FAM228A: variants seen among roughly 807,000 people sequenced by gnomAD.
The protein encoded by FAM228A is family with sequence similarity 228 member A.
In FAM228A, 13 loss-of-function variants were observed where a neutral mutation model predicts 18.6. That is an observed-to-expected ratio of 0.70 (90% CI 0.45 to 1.11). The LOEUF (loss-of-function observed/expected upper bound fraction) is 1.11. FAM228A is among the 50% of genes least tolerant of loss of function. The pLI is 0.00. For synonymous variants in FAM228A, 77 were observed against 86.6 expected (o/e 0.89, Z 0.61); for missense variants, 240 against 242.2 (o/e 0.99, Z 0.06).
At chr2:24,179,159 A>G in intron 3 of FAM228A, 1 of 1,174,722 alleles carries the variant, frequency 8.5e-7, no homozygotes, top group Non-Finnish European at 1.1e-6. Flanking sequence ...GGAAAGAAGA[A>G]AAGAGATGTT....
intron 3 of FAM228A, 71 bp from the exon 4 acceptor site, chr2:24,183,214 A>G (rs1667856711): frequency 1.8e-6 from 2 of 1,111,258 alleles, no homozygotes; most frequent in African/African-American, 1.5e-5. Flanking sequence ...TCCCATCTTT[A>G]TGTGGGACAC....
chr2:24,178,004 T>C, intron 3 of FAM228A, 134 bp downstream of exon 3: 1 of 577,820 alleles, frequency 1.7e-6, no homozygotes, highest in Non-Finnish European at 3.0e-6. Context: ...TCCTCTAATT[T>C]ACTTGTTTGT....
chr2:24,175,325 G>A, intron 1 of FAM228A, 142 bp from the exon 2 acceptor site: 1 of 667,146 alleles, frequency 1.5e-6, no homozygotes. Flanking sequence ...CGCCTAGGGC[G>A]CCAAGGATCC....
chr2:24,183,763 T>C, intron 5 of FAM228A, 118 bp downstream of exon 5: 3 of 807,098 alleles, frequency 3.7e-6, no homozygotes, highest in Non-Finnish European at 5.8e-6. Flanking sequence ...TTTATTATTA[T>C]TATCATCACC....
chr2:24,185,473 C>T (rs1484406175), intron 5 of FAM228A, among the ~76,000 whole-genome samples: 3 of 152,110 alleles, frequency 2.0e-5, no homozygotes. Context: ...AAAGTAATGG[C>T]AAAAACCACA....
At chr2:24,189,300 G>A (rs1668028258) in intron 5 of FAM228A, among the ~76,000 whole-genome samples, 1 of 152,134 alleles carries the variant, frequency 6.6e-6, no homozygotes. Context: ...ACCCTTTCCG[G>A]CCTCATCACA....
rs569601835 is a variant in FAM228A at position 24,186,919 on chromosome 2, G to A, written c.401+3274G>A. On this transcript the variant is annotated intron_variant, in intron 5 of 5. Coordinates refer to ENST00000295150, the MANE Select transcript of FAM228A (RefSeq NM_001040710.3). ...CCAGAGTACTGGGGGATTTACAGAT[G>A]TGAGCCTCTGTGCCCCGCCTGTGGA... 9.5e-4 allele frequency among the ~76,000 whole-genome samples: 145 copies of A among 152,278 alleles called. 1 individual carries two copies. The highest frequency in any genetic ancestry group is 3.4e-3 in the African/African-American group (142 of 41,544).
At chr2:24,179,272 AT>A in intron 3 of FAM228A, 1 of 667,848 alleles carries the variant, frequency 1.5e-6, no homozygotes, top group Non-Finnish European at 2.0e-6. Flanking sequence ...AATGTTGAAT[AT>A]TATTTACAGC....
intron 1 of FAM228A, 128 bp downstream of exon 1, chr2:24,175,302 G>T: frequency 1.6e-6 from 1 of 613,848 alleles, no homozygotes; most frequent in Non-Finnish European, 2.9e-6. Flanking sequence ...GTGGGTAGCC[G>T]GGCCTGTTGA....
At chr2:24,179,555 G>A (rs1367063682) in intron 3 of FAM228A, among the ~76,000 whole-genome samples, 1 of 152,208 alleles carries the variant, frequency 6.6e-6, no homozygotes, top group Non-Finnish European at 1.5e-5. Flanking sequence ...TACTTCACAA[G>A]AAATTAAGAG....
chr2:24,186,122 C>T (rs1667943667), intron 5 of FAM228A, among the ~76,000 whole-genome samples: 1 of 151,946 alleles, frequency 6.6e-6, no homozygotes, highest in Admixed American at 6.6e-5. Flanking sequence ...GCCTCAACCT[C>T]CTGAGTAGCT....
At chr2:24,177,613 A>G (rs1331067972) in intron 2 of FAM228A, among the ~76,000 whole-genome samples, 189 bp from the exon 3 acceptor site, 1 of 152,068 alleles carries the variant, frequency 6.6e-6, no homozygotes, top group East Asian at 1.9e-4. Flanking sequence ...AATAAGATTG[A>G]CTTGGAATTA....
rs1573800413 is a variant in FAM228A, at chr2:24,177,350, G to A, written c.94-452G>A. The stretch of plus-strand genomic sequence containing the variant: ...AGCTACTTGGGAGGCTGAGGCAGGA[G>A]AATCACTTGAACCTGGAGGGCGGAG... On this transcript the variant is annotated intron_variant, in intron 2 of 5. Transcript: ENST00000295150. Among the ~76,000 whole-genome samples, 6 of 152,308 alleles carry A rather than the reference G, an allele frequency of 3.9e-5. 1 individual carries two copies. In the South Asian group the frequency reaches 1.2e-3, roughly 32 times the overall value.
chr2:24,187,321 C>T (rs1011748413), intron 5 of FAM228A, among the ~76,000 whole-genome samples: 4 of 152,186 alleles, frequency 2.6e-5, no homozygotes, highest in Admixed American at 1.3e-4. Context: ...TCACAGCAGA[C>T]GTGAGTGGAA....
intron 3 of FAM228A, among the ~76,000 whole-genome samples, chr2:24,178,565 C>A (rs1667746125): frequency 6.6e-6 from 1 of 152,108 alleles, no homozygotes; most frequent in African/African-American, 2.4e-5. Context: ...CAGAGTGAGA[C>A]CCTGTCTTTT....
intron 5 of FAM228A, chr2:24,188,434 G>A (rs1352112909): frequency 2.0e-6 from 2 of 985,054 alleles, no homozygotes; most frequent in Non-Finnish European, 2.4e-6. Flanking sequence ...TTTCAAATAG[G>A]TTTTGGGAAA....
Position 24,179,088 on chromosome 2 carries a change from C to T in FAM228A, c.162+1218C>T, listed in dbSNP as rs768317750. On this transcript the variant is annotated intron_variant, in intron 3 of 5. Coordinates refer to ENST00000295150, the MANE Select transcript of FAM228A (RefSeq NM_001040710.3). The stretch of plus-strand genomic sequence containing the variant: ...GAAACATTTCTTTATAATTTATTTT[C>T]CTTTTTTGTATCACTTCACTAGAGA... 4 of 917,434 alleles carry T rather than the reference C, an allele frequency of 4.4e-6. No homozygotes were observed. The South Asian group carries it at 1.5e-4, about 34-fold the overall frequency. The allele number at this position is 917,434 out of a possible 1,614,324, so 56.8% of individuals were successfully genotyped here. A position where few individuals can be genotyped will look rare whatever the true frequency, so the allele number is the denominator to read the frequency against.
chr2:24,190,373 G>A (rs759794290), intron 5 of FAM228A, 39 bp from the exon 6 acceptor site: 16 of 1,558,186 alleles, frequency 1.0e-5, no homozygotes, highest in African/African-American at 1.4e-5. Flanking sequence ...AATTCCATCT[G>A]TGCTGAATCG....
chr2:24,183,370 CA>C lies in FAM228A; in HGVS notation c.249del (p.Gly84GlufsTer6), dbSNP rs1209988723. 1 of 1,613,534 alleles carries C rather than the reference CA, an allele frequency of 6.2e-7. No homozygotes were observed. The highest frequency in any genetic ancestry group is 1.1e-5 in the South Asian group (1 of 91,070). ...EERRTGLQCE[T>X]GKRHSIKELE... Reference sequence around the variant, plus strand: ...AGGAGAACTGGTCTTCAGTGTGAGACAGGTGCTTTGTGATCACTGGGCCTCA... The same window carrying C: ...AGGAGAACTGGTCTTCAGTGTGAGACGGTGCTTTGTGATCACTGGGCCTCA... On this transcript the variant is annotated frameshift_variant and splice_region_variant, in exon 4 of 6. Coordinates refer to ENST00000295150, the MANE Select transcript of FAM228A (RefSeq NM_001040710.3). LOFTEE classifies it high-confidence loss of function.
Sources: allele counts gnomAD v4.1 joint callset (sites outside exome capture counted in the v4.1 genomes callset), GRCh38; gene constraint gnomAD v4.1.1; transcripts MANE v1.5; gene names NCBI Gene and HGNC (gene_info 2026-07-23, HGNC 2026-07-21).